The following MED17 variants were observed in gnomAD, a reference collection of about 807,000 sequenced individuals.
MED17 encodes the protein mediator complex subunit 17.
In MED17, 49 loss-of-function variants were observed where a neutral mutation model predicts 80.8. The observed-to-expected ratio is 0.61, with a 90% CI of 0.48 to 0.77. The LOEUF is 0.77. Ranked by LOEUF, MED17 falls within the 30% of genes least tolerant of loss-of-function variation. The pLI is 0.00. For synonymous variants in MED17, 281 were observed against 280.4 expected, an observed-to-expected ratio of 1.00 and a Z score of -0.02; for missense variants, 718 against 787.0, an observed-to-expected ratio of 0.91 and a Z score of 1.05.
Position 93,812,226 on chromosome 11 carries a change from A to G in MED17, c.*162A>G, listed in dbSNP as rs1944091985. On this transcript the variant is annotated 3_prime_UTR_variant, in exon 12 of 12. Transcript: ENST00000251871. ...AGCACTTTCAAACTTTTCACTTTAT[A>G]AATGACAAGTGCTTTGAAATGCAGA... 1 of 675,686 alleles carries G rather than the reference A, an allele frequency of 1.5e-6. No homozygotes were observed. The highest frequency in any genetic ancestry group is 2.6e-5 in the Admixed American group (1 of 38,756). The allele number at this position is 675,686 out of a possible 1,614,324, so 41.9% of individuals were successfully genotyped here.
intron 9 of MED17, among the ~76,000 whole-genome samples, chr11:93,804,808 A>G (rs564481915): frequency 3.0e-4 from 45 of 152,316 alleles, no homozygotes; most frequent in African/African-American, 1.1e-3. Flanking sequence ...GAAACTCTAC[A>G]TATTAGCAGT....
At chr11:93,792,583 T>C (rs1020225751) in intron 3 of MED17, among the ~76,000 whole-genome samples, 2 of 152,178 alleles carry the variant, frequency 1.3e-5, no homozygotes, top group African/African-American at 2.4e-5. Context: ...CTATTTCTTA[T>C]GTAATTCAAT....
rs779493418 is a variant in MED17, at chr11:93,796,422, C to G, written c.1025C>G (p.Ser342Cys). 5 of 1,612,532 alleles carry G rather than the reference C, an allele frequency of 3.1e-6. No homozygotes were observed. The highest frequency in any genetic ancestry group is 1.7e-5 in the Admixed American group (1 of 59,994). ...ISQPFPSLQL[S>C]ISLCHSSNDK... ...TTTTTATAAATAGGCTTGCAGTTATCTATTTCTTTGTGCCATTCCTCAAAT... is the reference window on the plus strand; with the variant it reads ...TTTTTATAAATAGGCTTGCAGTTATGTATTTCTTTGTGCCATTCCTCAAAT... Residue 342 changes from serine to cysteine, a missense_variant, in exon 7 of 12, where the codon TCT becomes TGT. By Grantham distance (112) the Ser-to-Cys change is moderately radical (BLOSUM62 -1). Transcript: ENST00000251871.
chr11:93,798,756 A>T (rs190703208), intron 8 of MED17, among the ~76,000 whole-genome samples: 2 of 152,302 alleles, frequency 1.3e-5, no homozygotes, highest in East Asian at 3.9e-4. Flanking sequence ...GGGTCATATT[A>T]AATGATGTAT....
Position 93,784,535 on chromosome 11 carries a change from C to A in MED17, c.22C>A (p.Arg8=), listed in dbSNP as rs1360862583. 6.2e-7 allele frequency: 1 copy of A among 1,610,660 alleles called. No individual in the cohort carries two copies. Among genetic ancestry groups the A allele is most frequent in the Admixed American group, 1.7e-5 (1 of 59,948 alleles). MSGVRAV[R]ISIESACEKQ... ...CAGCATGTCCGGGGTGCGCGCAGTG[C>A]GGATCAGCATCGAATCGGCCTGCGA... Residue 8 remains arginine, a synonymous_variant, in exon 1 of 12, where the codon CGG becomes AGG. Coordinates refer to ENST00000251871, the MANE Select transcript of MED17 (RefSeq NM_004268.5).
chr11:93,811,671 C>T, intron 11 of MED17, 182 bp from the exon 12 acceptor site: 1 of 613,102 alleles, frequency 1.6e-6, no homozygotes, highest in South Asian at 2.0e-5. Flanking sequence ...ATACCATCCT[C>T]TTATATAGAA....
intron 9 of MED17, chr11:93,806,166 G>T (rs1005388453): frequency 6.6e-6 from 1 of 151,630 alleles, no homozygotes; most frequent in Non-Finnish European, 1.5e-5. Flanking sequence ...TTTAGTAGGG[G>T]TTTCACCATG....
Position 93,812,249 on chromosome 11 carries a change from A to T in MED17, c.*185A>T, listed in dbSNP as rs1336207765. 1 of 638,984 alleles carries T rather than the reference A, an allele frequency of 1.6e-6. No individual in the cohort carries two copies. Among genetic ancestry groups the T allele is most frequent in the Non-Finnish European group, 2.7e-6 (1 of 365,036 alleles). 39.6% of individuals were successfully genotyped at this position (638,984 alleles called of 1,614,324 possible). On this transcript the variant is annotated 3_prime_UTR_variant, in exon 12 of 12. Transcript: ENST00000251871. ...ATAAATGACAAGTGCTTTGAAATGC[A>T]GAAGTTTATGTACAGTTGTATATAC...
At chr11:93,795,268 C>A in intron 6 of MED17, 1 of 642,324 alleles carries the variant, frequency 1.6e-6, no homozygotes, top group Admixed American at 2.9e-5. Flanking sequence ...GATTTTTAAG[C>A]TACATATTAA....
rs143760933 is a variant in MED17, at chr11:93,812,042, C to T, written c.1934C>T (p.Ala645Val). The T allele has an allele frequency of 1.2e-6, 2 of 1,614,052 alleles. No homozygotes were observed. Among genetic ancestry groups the T allele is most frequent in the South Asian group, 1.1e-5 (1 of 91,078 alleles). ...TATAAAATGGAGCTGCTTATGTCTG[C>T]ACTTAGCCCTTGTCTACTATGATTT... ...FVYKMELLMS[A>V]LSPCLL The change falls in exon 12 of 12, where the codon GCA (alanine) becomes GTA (valine). Residue 645 changes from alanine (A) to valine (V), a missense_variant. Physicochemically the swap from Ala to Val is moderately conservative, Grantham distance 64. Transcript: ENST00000251871.
chr11:93,808,214 TTGAG>T (rs1171325289), intron 10 of MED17: 1 of 166,118 alleles, frequency 6.0e-6, no homozygotes, highest in African/African-American at 2.4e-5. Flanking sequence ...AAATAGAAAA[TTGAG>T]TGGGTGTGTT....
At chr11:93,804,010 TATATATATATATATATACACACAC>T (rs1943995356) in intron 9 of MED17, among the ~76,000 whole-genome samples, 3 of 19,478 alleles carry the variant, frequency 1.5e-4, no homozygotes, top group African/African-American at 3.1e-4. Context: ...TATATATATA[TATATATATATATATATACACACAC>T]ACATATACAC....
chr11:93,800,817 T>C (rs1000302805), intron 8 of MED17: 1 of 152,018 alleles, frequency 6.6e-6, no homozygotes, highest in African/African-American at 2.4e-5. Flanking sequence ...TTTTTTTATT[T>C]ATAGAGACTG....
chr11:93,794,178 C>T, intron 5 of MED17, 143 bp downstream of exon 5: 1 of 621,292 alleles, frequency 1.6e-6, no homozygotes, highest in African/African-American at 1.9e-5. Flanking sequence ...TATCAATAAA[C>T]TATTAGTGAA....
At chr11:93,790,822 TC>T in intron 3 of MED17, 29 bp downstream of exon 3, 1 of 1,593,856 alleles carries the variant, frequency 6.3e-7, no homozygotes, top group Middle Eastern at 1.7e-4. Context: ...AACTATACTT[TC>T]TGGCCAGGTG....
intron 11 of MED17, 181 bp downstream of exon 11, chr11:93,810,057 T>A: frequency 1.6e-6 from 1 of 638,878 alleles, no homozygotes; most frequent in Non-Finnish European, 2.7e-6. Context: ...TTATTTCTCT[T>A]TCTAGTAATT....
chr11:93,801,661 C>G, intron 8 of MED17, 174 bp from the exon 9 acceptor site: 1 of 599,894 alleles, frequency 1.7e-6, no homozygotes, highest in Non-Finnish European at 3.0e-6. Flanking sequence ...CACATTCAAG[C>G]AGTATGAAAG....
At chr11:93,791,903 T>TC (rs1340421511) in intron 3 of MED17, among the ~76,000 whole-genome samples, 1 of 152,222 alleles carries the variant, frequency 6.6e-6, no homozygotes, top group Non-Finnish European at 1.5e-5. Flanking sequence ...CTTTCCTTTT[T>TC]CCCACCAAAC....
intron 1 of MED17, among the ~76,000 whole-genome samples, chr11:93,786,173 A>G (rs757083034): frequency 3.9e-5 from 6 of 152,330 alleles, no homozygotes; most frequent in South Asian, 4.1e-4. Context: ...TCTCTATTCA[A>G]AAAGTCCCTT....
Sources: allele counts gnomAD v4.1 joint callset (sites outside exome capture counted in the v4.1 genomes callset), GRCh38; gene constraint gnomAD v4.1.1; transcripts MANE v1.5; gene names NCBI Gene and HGNC (gene_info 2026-07-23, HGNC 2026-07-21).